The following LPCAT3 variants were observed in gnomAD, a reference collection of about 807,000 sequenced individuals.
LPCAT3 encodes lysophospholipid acyltransferase 5.
A neutral mutation model predicts 63.4 loss-of-function variants in LPCAT3; 21 were observed. The observed-to-expected ratio is 0.33, with a 90% CI of 0.23 to 0.48. LPCAT3 has a LOEUF of 0.48. LPCAT3 is among the 20% of genes least tolerant of loss of function. LPCAT3 has a pLI of 0.99. For missense variants in LPCAT3, 451 were observed against 590.6 expected, an observed-to-expected ratio of 0.76 and a Z score of 2.45; for synonymous variants, 242 against 227.5, an observed-to-expected ratio of 1.06 and a Z score of -0.58.
chr12:6,989,632 A>ATTT (rs1227694663), intron 1 of LPCAT3, among the ~76,000 whole-genome samples: 1 of 152,016 alleles, frequency 6.6e-6, no homozygotes, highest in Non-Finnish European at 1.5e-5. Flanking sequence ...GCTGGGATAC[A>ATTT]TTTAATTTGT....
chr12:6,990,742 G>A (rs1946581286), intron 1 of LPCAT3, among the ~76,000 whole-genome samples: 1 of 150,468 alleles, frequency 6.6e-6, no homozygotes, highest in African/African-American at 2.4e-5. Flanking sequence ...GGCCAACATG[G>A]TGAAACCCTA....
chr12:6,990,620 G>A (rs1219078466), intron 1 of LPCAT3, among the ~76,000 whole-genome samples: 5 of 151,476 alleles, frequency 3.3e-5, no homozygotes, highest in East Asian at 1.9e-4. Context: ...AATGTCTACT[G>A]TGTTAGAAAA....
chr12:7,007,085 C>T (rs1460044879), intron 1 of LPCAT3, among the ~76,000 whole-genome samples: 1 of 151,978 alleles, frequency 6.6e-6, no homozygotes, highest in African/African-American at 2.4e-5. Context: ...GCTCTTGTTG[C>T]CCAGGTGGAG....
chr12:6,978,182 G>A (rs1477000045), intron 9 of LPCAT3, 159 bp downstream of exon 9: 48 of 805,744 alleles, frequency 6.0e-5, no homozygotes, highest in South Asian at 5.6e-4. Context: ...GTTTTTTTGG[G>A]AGGGGGGTAT....
At position 7,018,332 on chromosome 12, in the gene LPCAT3, C is replaced by T. The variant is rs1555157778; in HGVS notation, c.93G>A (p.Leu31=). ...GTTCTGACGCGCCCAGGGACGTCGC[C>T]AACTTGTTAAGGCTCAGCTCCTGGA... The part of the protein sequence containing the change: ...SGFQELSLNK[L]ATSLGASEQA... The change falls in exon 1 of 13, where the codon TTG becomes TTA. Residue 31 remains leucine, a synonymous_variant. Coordinates refer to ENST00000261407, the MANE Select transcript of LPCAT3 (RefSeq NM_005768.6). This position sits in a 1 kb window ranked among gnomAD's most constrained non-coding sequence, Gnocchi z 4.9. 2 of 1,611,366 alleles carry T rather than the reference C, an allele frequency of 1.2e-6. No individual in the cohort carries two copies. The highest frequency in any genetic ancestry group is 8.5e-7 in the Non-Finnish European group (1 of 1,179,026).
intron 1 of LPCAT3, 104 bp from the exon 2 acceptor site, chr12:6,983,643 A>C (rs966146962): frequency 9.9e-6 from 7 of 706,340 alleles, no homozygotes; most frequent in Non-Finnish European, 1.7e-5. Context: ...GGGAGAGAGA[A>C]AAAAAAAACA....
At chr12:6,982,133 G>A (rs1171037191) in intron 3 of LPCAT3, among the ~76,000 whole-genome samples, 1 of 152,150 alleles carries the variant, frequency 6.6e-6, no homozygotes, top group Non-Finnish European at 1.5e-5. Context: ...GGGACCACAG[G>A]TGCATGCCAC....
At chr12:6,979,360 C>A in intron 7 of LPCAT3, 111 bp downstream of exon 7, 1 of 790,698 alleles carries the variant, frequency 1.3e-6, no homozygotes, top group Non-Finnish European at 2.1e-6. Flanking sequence ...GCAAAACCAA[C>A]ATGCACTTGT....
In LPCAT3 at chr12:7,017,889, A is replaced by T. The variant is rs1157322159; in HGVS notation, c.151+385T>A. Among the ~76,000 whole-genome samples, 1 of 152,346 alleles carries T rather than the reference A, an allele frequency of 6.6e-6. No individual in the cohort carries two copies. The highest frequency in any genetic ancestry group is 1.5e-5 in the Non-Finnish European group (1 of 68,030). The stretch of plus-strand genomic sequence containing the variant: ...AAAGTTAGGGGCCCTATGCCTACCG[A>T]TGAGATGCGCGCGTGTGCGGGGTGG... On this transcript the variant is annotated intron_variant, in intron 1 of 12. Transcript: ENST00000261407. This position sits in a 1 kb window ranked among gnomAD's most constrained non-coding sequence, Gnocchi z 4.1.
Position 6,981,577 on chromosome 12 carries a change from C to A in LPCAT3, c.498+18G>T. On this transcript the variant is annotated intron_variant, in intron 5 of 12. Coordinates refer to ENST00000261407, the MANE Select transcript of LPCAT3 (RefSeq NM_005768.6). The stretch of plus-strand genomic sequence containing the variant: ...TTCATTAAGTCTTGAACCTCTCTGC[C>A]GATGAATGGGTACTTACCTGATCTT... 1.2e-6 allele frequency: 2 copies of A among 1,613,312 alleles called. No homozygotes were observed. Among genetic ancestry groups the A allele is most frequent in the Non-Finnish European group, 1.7e-6 (2 of 1,179,326 alleles).
chr12:6,977,555 C>T lies in LPCAT3; in HGVS notation c.1189-30G>A, dbSNP rs1555153441. ...GGAGGGAGGAGGAGCTCATCAGCAT[C>T]TTGTCCCTTATATTCCCCTTCACCC... On this transcript the variant is annotated intron_variant, in intron 10 of 12. Transcript: ENST00000261407. This position sits in a 1 kb window ranked among gnomAD's most constrained non-coding sequence, Gnocchi z 4.5. The T allele has an allele frequency of 1.2e-6, 2 of 1,614,150 alleles. No individual in the cohort carries two copies.
intron 1 of LPCAT3, among the ~76,000 whole-genome samples, chr12:7,011,534 A>C (rs1459952939): frequency 6.6e-6 from 1 of 151,922 alleles, no homozygotes; most frequent in East Asian, 1.9e-4. Context: ...CTGTAGTTCC[A>C]GCTACTCAGG....
chr12:6,985,485 G>A (rs1410316433), intron 1 of LPCAT3, among the ~76,000 whole-genome samples: 2 of 151,920 alleles, frequency 1.3e-5, no homozygotes, highest in African/African-American at 4.8e-5. Flanking sequence ...AGGCTGAGGT[G>A]GGTGGATCAC....
intron 1 of LPCAT3, among the ~76,000 whole-genome samples, chr12:6,988,976 A>G (rs899268142): frequency 6.6e-5 from 10 of 151,940 alleles, no homozygotes; most frequent in African/African-American, 2.4e-4. Flanking sequence ...AAAATACAAA[A>G]TTAGCTGGGC....
At position 6,982,851 on chromosome 12, in the gene LPCAT3, C is replaced by T. The variant is rs189713252; in HGVS notation, c.260-69G>A. The T allele has an allele frequency of 7.5e-4, 724 of 969,812 alleles. 9 individuals are homozygous for T. The South Asian group carries it at 9.5e-3, about 13-fold the overall frequency. The allele number at this position is 969,812 out of a possible 1,614,324, so 60.1% of individuals were successfully genotyped here. On this transcript the variant is annotated intron_variant, in intron 2 of 12. Transcript: ENST00000261407. ...ACCGTCCTGAGACTTCCAATCACAACGTAATATATAAAGAAAAAATGTTGG... is the reference window on the plus strand; with the variant it reads ...ACCGTCCTGAGACTTCCAATCACAATGTAATATATAAAGAAAAAATGTTGG...
Position 7,018,231 on chromosome 12 carries a change from C to G in LPCAT3, c.151+43G>C. Reference sequence around the variant, plus strand: ...CTGTCCCCATTCCTCCCCTACTCCCCGGGGACTCCGCGAGGGGCGGAGGGA... The same window carrying G: ...CTGTCCCCATTCCTCCCCTACTCCCGGGGGACTCCGCGAGGGGCGGAGGGA... On this transcript the variant is annotated intron_variant, in intron 1 of 12. Transcript: ENST00000261407. The surrounding 1 kb of genome is among the most constrained non-coding windows in gnomAD (Gnocchi z 4.9). The G allele has an allele frequency of 1.9e-6, 3 of 1,566,334 alleles. No homozygotes were observed. The highest frequency in any genetic ancestry group is 2.6e-6 in the Non-Finnish European group (3 of 1,154,908).
At chr12:6,988,651 G>A (rs1192916956) in intron 1 of LPCAT3, among the ~76,000 whole-genome samples, 3 of 152,154 alleles carry the variant, frequency 2.0e-5, no homozygotes, top group Non-Finnish European at 4.4e-5. Flanking sequence ...GTTGGCTTCC[G>A]TGGGTCTGAG....
intron 1 of LPCAT3, among the ~76,000 whole-genome samples, chr12:6,992,374 G>C (rs1946597901): frequency 6.6e-6 from 1 of 152,002 alleles, no homozygotes; most frequent in African/African-American, 2.4e-5. Flanking sequence ...ATTCTTAAGT[G>C]AAACTGGCTC....
chr12:6,995,829 C>A (rs1259814440), intron 1 of LPCAT3, among the ~76,000 whole-genome samples: 1 of 152,182 alleles, frequency 6.6e-6, no homozygotes, highest in Non-Finnish European at 1.5e-5. Context: ...CTGACCACTT[C>A]TCTCCGCCTC....
Sources: allele counts gnomAD v4.1 joint callset (sites outside exome capture counted in the v4.1 genomes callset), GRCh38; gene constraint gnomAD v4.1.1; non-coding constraint Gnocchi (gnomAD v3.1); transcripts MANE v1.5; gene names NCBI Gene and HGNC (gene_info 2026-07-23, HGNC 2026-07-21).